Variants in PEAK1 observed in about 807,000 individuals in gnomAD.
PEAK1 encodes the protein inactive tyrosine-protein kinase PEAK1.
PEAK1 carries 54 observed loss-of-function variants against 124.7 expected under a neutral mutation model. That is an observed-to-expected ratio of 0.43 (90% CI 0.35 to 0.54). The LOEUF (loss-of-function observed/expected upper bound fraction) is 0.54, where lower values mean the gene tolerates loss of function less well. PEAK1 is among the 20% of genes least tolerant of loss of function. The probability of loss-of-function intolerance (pLI) is 0.01; values close to 1 mark genes in which losing one functional copy is unlikely to be tolerated. For missense variants in PEAK1, 2,046 were observed against 2,134.5 expected, an observed-to-expected ratio of 0.96 and a Z score of 0.82; for synonymous variants, 719 against 760.0, an observed-to-expected ratio of 0.95 and a Z score of 0.89.
chr15:77,324,679 GGGA>G (rs2065456387), intron 2 of PEAK1, among the ~76,000 whole-genome samples: 1 of 152,214 alleles, frequency 6.6e-6, no homozygotes, highest in South Asian at 2.1e-4. Context: ...AAGGCAAAGG[GGGA>G]GGAGGCATCA....
intron 2 of PEAK1, among the ~76,000 whole-genome samples, chr15:77,340,110 C>T (rs1438876078): frequency 6.6e-6 from 1 of 152,212 alleles, no homozygotes; most frequent in Admixed American, 6.5e-5. Context: ...CTTAGTCTCA[C>T]TGTATGATCC....
intron 6 of PEAK1, among the ~76,000 whole-genome samples, chr15:77,247,773 T>C (rs538980345): frequency 4.6e-5 from 7 of 152,270 alleles, no homozygotes; most frequent in Admixed American, 3.3e-4. Context: ...ATATGGTGAA[T>C]TGCATTGATT....
At chr15:77,378,369 A>G (rs973454628) in intron 1 of PEAK1, among the ~76,000 whole-genome samples, 1 of 152,072 alleles carries the variant, frequency 6.6e-6, no homozygotes, top group African/African-American at 2.4e-5. Context: ...GGAAGTCATA[A>G]GCAAAAGCAA....
chr15:77,120,844 G>A (rs770131663), intron 9 of PEAK1, among the ~76,000 whole-genome samples: 43 of 152,146 alleles, frequency 2.8e-4, no homozygotes, highest in Non-Finnish European at 2.9e-4. Flanking sequence ...GCTATCTGCA[G>A]CCGGCCACCC....
chr15:77,163,725 G>A lies in PEAK1; in HGVS notation c.3138-5029C>T, dbSNP rs533945773. ...CACTCAGCTTCAGATGAGACAATAA[G>A]TAAAATCTGACTTCTAGAGACTACC... On this transcript the variant is annotated intron_variant, in intron 7 of 9. Transcript: ENST00000682557. 4.0e-4 allele frequency among the ~76,000 whole-genome samples: 61 copies of A among 152,242 alleles called. No homozygotes were observed. In the South Asian group the frequency reaches 0.012, roughly 30 times the overall value.
intron 9 of PEAK1, among the ~76,000 whole-genome samples, chr15:77,126,010 G>A (rs2052344027): frequency 6.6e-6 from 1 of 152,202 alleles, no homozygotes; most frequent in Non-Finnish European, 1.5e-5. Flanking sequence ...GGACTACAGA[G>A]ATGAATAACT....
At chr15:77,332,768 C>T (rs912357198) in intron 2 of PEAK1, among the ~76,000 whole-genome samples, 1 of 151,602 alleles carries the variant, frequency 6.6e-6, no homozygotes, top group African/African-American at 2.4e-5. Context: ...TTAACGGTAC[C>T]TTATTATTTT....
chr15:77,270,012 T>C, intron 5 of PEAK1, among the ~76,000 whole-genome samples: 1 of 152,212 alleles, frequency 6.6e-6, no homozygotes, highest in East Asian at 1.9e-4. Context: ...GAGTTCTAGT[T>C]TGATTGCACT....
At chr15:77,249,611 A>T (rs2060749876) in intron 6 of PEAK1, among the ~76,000 whole-genome samples, 1 of 152,192 alleles carries the variant, frequency 6.6e-6, no homozygotes, top group Non-Finnish European at 1.5e-5. Context: ...TATGTACCTC[A>T]TGGATGTGTT....
intron 1 of PEAK1, among the ~76,000 whole-genome samples, chr15:77,377,058 T>C (rs1403189794): frequency 2.0e-5 from 3 of 152,156 alleles, no homozygotes; most frequent in Non-Finnish European, 4.4e-5. Flanking sequence ...TATTGAATAC[T>C]GTAGGCAATA....
At chr15:77,419,444 G>C in intron 1 of PEAK1, 2 of 985,376 alleles carry the variant, frequency 2.0e-6, no homozygotes, top group Non-Finnish European at 2.4e-6. Flanking sequence ...GACCCCGCCA[G>C]CCCACACGTT....
intron 6 of PEAK1, among the ~76,000 whole-genome samples, chr15:77,231,968 A>T (rs2059927711): frequency 6.6e-6 from 1 of 152,188 alleles, no homozygotes; most frequent in Non-Finnish European, 1.5e-5. Context: ...AACAAAACAC[A>T]GGTATTACTT....
In PEAK1 at chr15:77,278,832, G is replaced by GGT. The variant is rs563877153; in HGVS notation, c.-275+5050_-275+5051insAC. 2.2e-5 allele frequency: 5 copies of GGT among 226,022 alleles called. No individual in the cohort carries two copies. The East Asian group carries it at 4.0e-4, about 18-fold the overall frequency. The allele number at this position is 226,022 out of a possible 1,614,324, so 14.0% of individuals were successfully genotyped here. A position where few individuals can be genotyped will look rare whatever the true frequency, so the allele number is the denominator to read the frequency against. On this transcript the variant is annotated intron_variant, in intron 5 of 9. Coordinates refer to ENST00000682557, the MANE Select transcript of PEAK1 (RefSeq NM_001385026.1). ...TTTATAAAAATGCAAAATTTTGTGG[G>GGT]TTTTTTTTTTTTTTTTTTGAGACAG...
intron 6 of PEAK1, among the ~76,000 whole-genome samples, chr15:77,214,460 C>CAA (rs780048671): frequency 5.4e-5 from 7 of 130,492 alleles, no homozygotes; most frequent in African/African-American, 1.7e-4. Flanking sequence ...ACTAAAAATA[C>CAA]AAAAAAAAAA....
intron 6 of PEAK1, 117 bp from the exon 7 acceptor site, chr15:77,182,157 CTG>C (rs1474652987): frequency 4.2e-6 from 4 of 951,266 alleles, no homozygotes; most frequent in Non-Finnish European, 5.5e-6. Context: ...AATTAAAAGA[CTG>C]AGAGCTAAAC....
chr15:77,347,107 C>A (rs531424358), intron 2 of PEAK1: 284 of 641,874 alleles, frequency 4.4e-4, no homozygotes, highest in Admixed American at 1.5e-3. Context: ...AGAAGACTTG[C>A]AAGTTGGAAT....
chr15:77,346,309 G>T (rs1322247365), intron 2 of PEAK1: 1 of 956,612 alleles, frequency 1.0e-6, no homozygotes, highest in Non-Finnish European at 1.2e-6. Context: ...TCATTATTTT[G>T]TTCTATTCTA....
intron 6 of PEAK1, among the ~76,000 whole-genome samples, chr15:77,199,510 CATT>C (rs1271746832): frequency 2.6e-5 from 4 of 152,184 alleles, no homozygotes; most frequent in Non-Finnish European, 5.9e-5. Context: ...TTGAAGATGA[CATT>C]GTTGTTACAG....
Position 77,179,890 on chromosome 15 carries a change from A to AGTGGTG in PEAK1, c.2031_2036dup (p.Thr678_Thr679dup), listed in dbSNP as rs768951072. 1.9e-6 allele frequency: 3 copies of AGTGGTG among 1,614,088 alleles called. No individual in the cohort carries two copies. In the African/African-American group the frequency reaches 4.0e-5, roughly 22 times the overall value. ...TTTGAAGACAGTCAGTGGTTTTGCTAGTGGTGTTATCAGGCACTTTGCTTT... is the reference window on the plus strand; with the variant it reads ...TTTGAAGACAGTCAGTGGTTTTGCTAGTGGTGGTGGTGTTATCAGGCACTTTGCTTT... On this transcript the variant is annotated inframe_insertion, in exon 7 of 10. Coordinates refer to ENST00000682557, the MANE Select transcript of PEAK1 (RefSeq NM_001385026.1).
Sources: allele counts gnomAD v4.1 joint callset (sites outside exome capture counted in the v4.1 genomes callset), GRCh38; gene constraint gnomAD v4.1.1; transcripts MANE v1.5; gene names NCBI Gene and HGNC (gene_info 2026-07-23, HGNC 2026-07-21).